KAZN: variants seen among roughly 807,000 people sequenced by gnomAD.
KAZN encodes the protein kazrin, periplakin interacting protein, also known as kazrin.
A neutral mutation model predicts 87.4 loss-of-function variants in KAZN; 40 were observed. The ratio of observed to expected loss-of-function variants is 0.46; its 90% CI spans 0.36 to 0.60. The LOEUF (loss-of-function observed/expected upper bound fraction) is 0.60. Ranked by LOEUF, KAZN falls within the 20% of genes least tolerant of loss-of-function variation. The probability of loss-of-function intolerance (pLI) is 0.00; values close to 1 mark genes in which losing one functional copy is unlikely to be tolerated. For synonymous variants in KAZN, 466 were observed against 458.3 expected, an observed-to-expected ratio of 1.02 and a Z score of -0.22; for missense variants, 898 against 1,073.9, an observed-to-expected ratio of 0.84 and a Z score of 2.29.
chr1:14,215,152 T>C (rs920456222), intron 2 of KAZN, among the ~76,000 whole-genome samples: 1 of 152,184 alleles, frequency 6.6e-6, no homozygotes, highest in East Asian at 1.9e-4. Context: ...AGCTATGAAA[T>C]TGACAAAGTT....
At chr1:14,478,749 C>T (rs1260759760) in intron 2 of KAZN, among the ~76,000 whole-genome samples, 1 of 152,172 alleles carries the variant, frequency 6.6e-6, no homozygotes, top group Non-Finnish European at 1.5e-5. Flanking sequence ...CGTGCCCCAT[C>T]CACCAGCTGG....
intron 1 of KAZN, among the ~76,000 whole-genome samples, chr1:13,977,825 A>G (rs1638437873): frequency 1.3e-5 from 2 of 152,170 alleles, no homozygotes; most frequent in Admixed American, 6.5e-5. Flanking sequence ...TTTCACCTTG[A>G]TGCAATTGTC....
At chr1:14,081,031 G>T (rs528658995) in intron 1 of KAZN, among the ~76,000 whole-genome samples, 1 of 151,886 alleles carries the variant, frequency 6.6e-6, no homozygotes, top group Non-Finnish European at 1.5e-5. Flanking sequence ...AGCTAGCAAG[G>T]GTTCATTCAC....
intron 4 of KAZN, 124 bp from the exon 5 acceptor site, chr1:15,055,967 G>A (rs966551614): frequency 3.0e-5 from 28 of 921,950 alleles, no homozygotes; most frequent in African/African-American, 1.2e-4. Flanking sequence ...GCTCGATGCC[G>A]AGCCAGCAAT....
At chr1:14,959,317 A>G (rs1203955866) in intron 1 of KAZN, among the ~76,000 whole-genome samples, 2 of 152,216 alleles carry the variant, frequency 1.3e-5, no homozygotes, top group African/African-American at 4.8e-5. Context: ...CAGCCACAGG[A>G]AGAACCAGGA....
At chr1:14,494,445 C>T (rs1019765205) in intron 2 of KAZN, among the ~76,000 whole-genome samples, 10 of 152,144 alleles carry the variant, frequency 6.6e-5, no homozygotes, top group African/African-American at 2.4e-4. Flanking sequence ...TCTTTGGTCA[C>T]TGTCAATGGC....
At chr1:14,020,036 G>A (rs1640753100) in intron 1 of KAZN, among the ~76,000 whole-genome samples, 1 of 151,884 alleles carries the variant, frequency 6.6e-6, no homozygotes, top group Non-Finnish European at 1.5e-5. Flanking sequence ...GTCCCATCTG[G>A]GGGTGATGGG....
intron 8 of KAZN, among the ~76,000 whole-genome samples, chr1:15,075,567 TG>T (rs1478496066): frequency 2.6e-5 from 4 of 152,200 alleles, no homozygotes; most frequent in Admixed American, 2.0e-4. Context: ...AGTGGTTCTG[TG>T]GCGATCTCTA....
At chr1:14,332,179 T>G (rs955070546) in intron 2 of KAZN, among the ~76,000 whole-genome samples, 1 of 152,202 alleles carries the variant, frequency 6.6e-6, no homozygotes, top group African/African-American at 2.4e-5. Context: ...CTCTGGTTCA[T>G]CAGTTTTGAT....
At chr1:14,050,425 G>A (rs768151467) in intron 1 of KAZN, among the ~76,000 whole-genome samples, 5 of 152,164 alleles carry the variant, frequency 3.3e-5, no homozygotes, top group East Asian at 1.9e-4. Flanking sequence ...TCACAGTTCC[G>A]CATGGCTGGG....
intron 1 of KAZN, among the ~76,000 whole-genome samples, chr1:14,122,572 G>A (rs1403411767): frequency 6.6e-6 from 1 of 152,162 alleles, no homozygotes; most frequent in African/African-American, 2.4e-5. Flanking sequence ...TAGTTGATGA[G>A]CTGACGTTCT....
chr1:14,948,137 C>T (rs1662050800), intron 1 of KAZN, among the ~76,000 whole-genome samples: 2 of 152,138 alleles, frequency 1.3e-5, no homozygotes, highest in Admixed American at 6.5e-5. Flanking sequence ...AGAAAACTGT[C>T]TCTGACAAAA....
At chr1:14,953,497 C>T (rs1310757893) in intron 1 of KAZN, among the ~76,000 whole-genome samples, 1 of 152,252 alleles carries the variant, frequency 6.6e-6, no homozygotes, top group Non-Finnish European at 1.5e-5. Flanking sequence ...TGTGATTCAA[C>T]TTCCCCATCT....
chr1:14,793,083 G>A (rs1453557452), intron 1 of KAZN, among the ~76,000 whole-genome samples: 1 of 152,134 alleles, frequency 6.6e-6, no homozygotes, highest in Non-Finnish European at 1.5e-5. Flanking sequence ...GCATGTTAAG[G>A]CGGTGGAGGC....
At chr1:14,293,690 C>A (rs1653894821) in intron 2 of KAZN, among the ~76,000 whole-genome samples, 1 of 151,988 alleles carries the variant, frequency 6.6e-6, no homozygotes, top group African/African-American at 2.4e-5. Context: ...AAAAAAAGAT[C>A]CCAGATTAAA....
chr1:15,100,435 G>A (rs1293290667), intron 10 of KAZN, among the ~76,000 whole-genome samples: 1 of 152,132 alleles, frequency 6.6e-6, no homozygotes, highest in African/African-American at 2.4e-5. Flanking sequence ...TGGCTTCGTG[G>A]CCCCCTGCAC....
At chr1:13,910,226 A>G (rs890235698) in intron 1 of KAZN, among the ~76,000 whole-genome samples, 2 of 152,154 alleles carry the variant, frequency 1.3e-5, no homozygotes, top group African/African-American at 4.8e-5. Context: ...TATGTGACAC[A>G]GGCTGGGTGT....
intron 1 of KAZN, among the ~76,000 whole-genome samples, chr1:14,733,033 G>A (rs141363178): frequency 0.01 from 1,523 of 152,230 alleles, 12 homozygotes; most frequent in Non-Finnish European, 0.015. Context: ...ATTCAAAAAT[G>A]TAGCTCCAAA....
At chr1:14,697,696 G>A (rs1233096524) in intron 1 of KAZN, among the ~76,000 whole-genome samples, 2 of 152,324 alleles carry the variant, frequency 1.3e-5, no homozygotes, top group East Asian at 3.9e-4. Flanking sequence ...TGGTTTAAAG[G>A]GGCCTAGAGA....
Sources: gnomAD v4.1 joint callset for allele counts (sites outside exome capture counted in the v4.1 genomes callset) on GRCh38, gnomAD v4.1.1 for gene constraint, MANE v1.5 for transcripts, NCBI Gene and HGNC (gene_info 2026-07-23, HGNC 2026-07-21) for gene names.